Variants in ANGPT1 observed in about 807,000 individuals in gnomAD.
ANGPT1 encodes angiopoietin 1, also known as angiopoietin-1.
A neutral mutation model predicts 62.2 loss-of-function variants in ANGPT1; 17 were observed. That is an observed-to-expected ratio of 0.27 (90% CI 0.19 to 0.41). The LOEUF is 0.41. ANGPT1 is among the 10% of genes least tolerant of loss of function. The pLI is 1.00. For missense variants in ANGPT1, 478 were observed against 594.9 expected (o/e 0.80, Z 2.04); for synonymous variants, 199 against 198.9 (o/e 1.00, Z 0.00).
intron 1 of ANGPT1, among the ~76,000 whole-genome samples, chr8:107,445,866 AAAAT>A (rs1474055259): frequency 6.6e-6 from 1 of 152,212 alleles, no homozygotes; most frequent in African/African-American, 2.4e-5. Flanking sequence ...TGGAAAGTAG[AAAAT>A]AAATAGGTGG....
chr8:107,294,837 T>C (rs1814371461), intron 5 of ANGPT1: 4 of 152,180 alleles, frequency 2.6e-5, no homozygotes, highest in Admixed American at 2.6e-4. Context: ...GTAATGGGAT[T>C]ATCGTCGGAG....
chr8:107,360,191 T>C (rs1019419083), intron 1 of ANGPT1, among the ~76,000 whole-genome samples: 1 of 152,200 alleles, frequency 6.6e-6, no homozygotes, highest in Non-Finnish European at 1.5e-5. Flanking sequence ...AGTAGGTCTT[T>C]ACCAAGGGGA....
intron 1 of ANGPT1, among the ~76,000 whole-genome samples, chr8:107,473,443 G>C (rs536017782): frequency 6.6e-6 from 1 of 151,982 alleles, no homozygotes; most frequent in African/African-American, 2.4e-5. Flanking sequence ...CACAAGGTCA[G>C]AGTCAGGTTG....
At chr8:107,286,716 C>T (rs1032357122) in intron 6 of ANGPT1, among the ~76,000 whole-genome samples, 1 of 152,116 alleles carries the variant, frequency 6.6e-6, no homozygotes, top group Non-Finnish European at 1.5e-5. Context: ...AGACCATCCA[C>T]CCATAGCTCA....
At chr8:107,447,272 A>G (rs1811647693) in intron 1 of ANGPT1, among the ~76,000 whole-genome samples, 3 of 152,332 alleles carry the variant, frequency 2.0e-5, no homozygotes, top group Middle Eastern at 6.8e-3. Context: ...TCTTGAAGCC[A>G]TACAAGGGCT....
intron 1 of ANGPT1, among the ~76,000 whole-genome samples, chr8:107,429,287 G>A (rs16876280): frequency 0.056 from 8,484 of 152,226 alleles, 288 homozygotes; most frequent in South Asian, 0.1. Flanking sequence ...AGATGAGACC[G>A]GTTACTGCAG....
chr8:107,262,791 T>C (rs1813523677), intron 8 of ANGPT1, among the ~76,000 whole-genome samples: 1 of 152,192 alleles, frequency 6.6e-6, no homozygotes. Context: ...ACAATTTTGT[T>C]TGTTGTCAAC....
chr8:107,391,001 A>G (rs897610276), intron 1 of ANGPT1, among the ~76,000 whole-genome samples: 2 of 152,222 alleles, frequency 1.3e-5, no homozygotes, highest in African/African-American at 2.4e-5. Flanking sequence ...CAGAGTCCCA[A>G]TGTGTAATAT....
Position 107,497,300 on chromosome 8 carries a change from C to T in ANGPT1, c.259G>A (p.Glu87Lys), listed in dbSNP as rs778278830. ...TGAGTATAATTTTCCATCACATGTT[C>T]CAGATGTTGAAGTTTCTGGGAAGAG... The part of the protein sequence containing the change: ...DFSSQKLQHL[E>K]HVMENYTQWL... Residue 87 changes from glutamate (E) to lysine (K), a missense_variant, in exon 1 of 9, where the codon GAA becomes AAA. Physicochemically the swap from Glu to Lys is moderately conservative, Grantham distance 56. Coordinates refer to ENST00000517746, the MANE Select transcript of ANGPT1 (RefSeq NM_001146.5). 1.9e-6 allele frequency: 3 copies of T among 1,614,078 alleles called. No homozygotes were observed. The highest frequency in any genetic ancestry group is 2.5e-6 in the Non-Finnish European group (3 of 1,180,028).
chr8:107,331,363 C>T (rs1815416205), intron 3 of ANGPT1, among the ~76,000 whole-genome samples: 1 of 152,112 alleles, frequency 6.6e-6, no homozygotes, highest in African/African-American at 2.4e-5. Context: ...ATCTTCTGCT[C>T]TAATATTAGA....
chr8:107,488,256 C>T (rs927579612), intron 1 of ANGPT1, among the ~76,000 whole-genome samples: 1 of 152,148 alleles, frequency 6.6e-6, no homozygotes, highest in African/African-American at 2.4e-5. Flanking sequence ...TTCAAACTAT[C>T]GAATGTAATG....
chr8:107,352,442 C>G (rs946183338), intron 1 of ANGPT1, among the ~76,000 whole-genome samples: 10 of 152,054 alleles, frequency 6.6e-5, no homozygotes, highest in African/African-American at 1.7e-4. Context: ...GCCCAATGAC[C>G]AGGGGAGAAC....
chr8:107,366,883 G>A (rs906847549), intron 1 of ANGPT1, among the ~76,000 whole-genome samples: 1 of 152,116 alleles, frequency 6.6e-6, no homozygotes, highest in Non-Finnish European at 1.5e-5. Flanking sequence ...CTCTGGCTCT[G>A]TCTCTCGGGC....
intron 1 of ANGPT1, among the ~76,000 whole-genome samples, chr8:107,481,772 G>A (rs993052648): frequency 6.6e-6 from 1 of 152,082 alleles, no homozygotes; most frequent in Non-Finnish European, 1.5e-5. Context: ...AGCGAAGGGG[G>A]AAGCCCCTTA....
intron 5 of ANGPT1, among the ~76,000 whole-genome samples, chr8:107,296,325 G>A (rs188596390): frequency 3.9e-5 from 6 of 152,060 alleles, no homozygotes; most frequent in Middle Eastern, 3.4e-3. Flanking sequence ...AGCCTGTAGC[G>A]GGTACTGAAT....
At chr8:107,367,784 A>G (rs1816307182) in intron 1 of ANGPT1, among the ~76,000 whole-genome samples, 1 of 152,128 alleles carries the variant, frequency 6.6e-6, no homozygotes, top group South Asian at 2.1e-4. Flanking sequence ...ATAAGAAGCA[A>G]CTCCTCATCT....
chr8:107,322,174 C>CA (rs750166134), intron 3 of ANGPT1, 46 bp from the exon 4 acceptor site: 10 of 1,355,102 alleles, frequency 7.4e-6, no homozygotes, highest in East Asian at 2.4e-5. Context: ...AAATGTTATA[C>CA]AAAAAAACCC....
At chr8:107,434,056 A>G (rs1811272251) in intron 1 of ANGPT1, among the ~76,000 whole-genome samples, 1 of 152,230 alleles carries the variant, frequency 6.6e-6, no homozygotes, top group Non-Finnish European at 1.5e-5. Flanking sequence ...AAACTGAAAA[A>G]GAGGCAAATT....
intron 1 of ANGPT1, among the ~76,000 whole-genome samples, chr8:107,444,990 T>G (rs1811577814): frequency 6.6e-6 from 1 of 152,190 alleles, no homozygotes; most frequent in African/African-American, 2.4e-5. Flanking sequence ...GCAGGGGTAT[T>G]TCTGTCTAGA....
Sources: allele counts gnomAD v4.1 joint callset (sites outside exome capture counted in the v4.1 genomes callset), GRCh38; gene constraint gnomAD v4.1.1; transcripts MANE v1.5; gene names NCBI Gene and HGNC (gene_info 2026-07-23, HGNC 2026-07-21).